KRTAP10-12: variants seen among roughly 807,000 people sequenced by gnomAD.
The protein encoded by KRTAP10-12 is keratin associated protein 10-12, also known as keratin-associated protein 10-12.
For synonymous variants in KRTAP10-12, 142 were observed against 139.1 expected (o/e 1.02, Z -0.14); for missense variants, 311 against 324.4 (o/e 0.96, Z 0.32).
rs782708419 is a variant in KRTAP10-12 at position 44,697,715 on chromosome 21, C to T, written c.514C>T (p.Leu172=). ...GCCTGTCTGCTCTGGGGCCTCCTCTCTGTGCTGCCAGCAGTCTAGCTGCCA... is the reference window on the plus strand; with the variant it reads ...GCCTGTCTGCTCTGGGGCCTCCTCTTTGTGCTGCCAGCAGTCTAGCTGCCA... ...CVPVCSGASS[L]CCQQSSCQPA... is the part of the protein sequence containing the mutation. Residue 172 remains leucine, a synonymous_variant, in exon 1 of 1, where the codon CTG becomes TTG. Coordinates refer to ENST00000400365, the MANE Select transcript of KRTAP10-12 (RefSeq NM_198699.1). 2 of 1,611,252 alleles carry T rather than the reference C, an allele frequency of 1.2e-6. No individual in the cohort carries two copies. Among genetic ancestry groups the T allele is most frequent in the South Asian group, 1.1e-5 (1 of 90,960 alleles).
rs1987438074 is a variant in KRTAP10-12 at position 44,697,713 on chromosome 21, C to G, written c.512C>G (p.Ser171Cys). The G allele has an allele frequency of 4.3e-6, 7 of 1,613,264 alleles. No individual in the cohort carries two copies. The highest frequency in any genetic ancestry group is 2.2e-5 in the East Asian group (1 of 44,882). Residue 171 changes from serine (S) to cysteine (C), a missense_variant, in exon 1 of 1, where the codon TCT becomes TGT. Ser to Cys is a moderately radical substitution (Grantham distance 112). Coordinates refer to ENST00000400365, the MANE Select transcript of KRTAP10-12 (RefSeq NM_198699.1). ...GTGCCTGTCTGCTCTGGGGCCTCCTCTCTGTGCTGCCAGCAGTCTAGCTGC... is the reference window on the plus strand; with the variant it reads ...GTGCCTGTCTGCTCTGGGGCCTCCTGTCTGTGCTGCCAGCAGTCTAGCTGC... Reference protein sequence around the residue: ...CCVPVCSGASSLCCQQSSCQP... With the variant: ...CCVPVCSGASCLCCQQSSCQP...
In KRTAP10-12 at chr21:44,697,491, C is replaced by T; in HGVS notation, c.290C>T (p.Ser97Phe). Residue 97 changes from serine (S) to phenylalanine (F), a missense_variant, in exon 1 of 1, where the codon TCC becomes TTC. Coordinates refer to ENST00000400365, the MANE Select transcript of KRTAP10-12 (RefSeq NM_198699.1). ...QSSCQPACCT[S>F]SPCQQACCVP... The stretch of plus-strand genomic sequence containing the variant: ...AGCTGCCAGCCGGCTTGCTGCACCT[C>T]CTCCCCCTGCCAGCAGGCCTGCTGC... The T allele has an allele frequency of 1.2e-6, 2 of 1,614,034 alleles. No individual in the cohort carries two copies. The highest frequency in any genetic ancestry group is 1.3e-5 in the African/African-American group (1 of 75,016).
chr21:44,697,219 C>A lies in KRTAP10-12; in HGVS notation c.18C>A (p.Ser6Arg), dbSNP rs191466912. The change falls in exon 1 of 1, where the codon AGC becomes AGA. Residue 6 changes from serine to arginine, a missense_variant. By Grantham distance (110) the Ser-to-Arg change is moderately radical. Transcript: ENST00000400365. ...CATCCACCATGTCCGTCTGCTCCAG[C>A]GACCTGAGCTATGGCAGCCGCGTCT... is the stretch of plus-strand genomic sequence containing the variant. MSVCS[S>R]DLSYGSRVCL... 5 of 1,613,890 alleles carry A rather than the reference C, an allele frequency of 3.1e-6. No homozygotes were observed. Among genetic ancestry groups the A allele is most frequent in the Non-Finnish European group, 4.2e-6 (5 of 1,179,902 alleles).
Position 44,697,544 on chromosome 21 carries a change from T to C in KRTAP10-12, c.343T>C (p.Cys115Arg), listed in dbSNP as rs782183631. The C allele has an allele frequency of 6.2e-6, 10 of 1,613,668 alleles. No homozygotes were observed. The Admixed American group carries it at 1.7e-4, about 27-fold the overall frequency. ...CVPVCCKTVC[C>R]KPVCCMPVCC... ...GCCCGTCTGCTGCAAGACTGTCTGC[T>C]GCAAGCCTGTGTGCTGTATGCCCGT... The change falls in exon 1 of 1, where the codon TGC (cysteine) becomes CGC (arginine). Residue 115 changes from cysteine to arginine, a missense_variant. Coordinates refer to ENST00000400365, the MANE Select transcript of KRTAP10-12 (RefSeq NM_198699.1).
rs1440252353 is a variant in KRTAP10-12, at chr21:44,697,498, CT to C, written c.298del (p.Cys100AlafsTer169). The C allele has an allele frequency of 1.5e-5, 25 of 1,613,534 alleles. No individual in the cohort carries two copies. In the Admixed American group the frequency reaches 4.2e-4, roughly 27 times the overall value. On this transcript the variant is annotated frameshift_variant, in exon 1 of 1. Coordinates refer to ENST00000400365, the MANE Select transcript of KRTAP10-12 (RefSeq NM_198699.1). LOFTEE classifies it low-confidence loss of function (END_TRUNC). ...AGCCGGCTTGCTGCACCTCCTCCCC[CT>C]GCCAGCAGGCCTGCTGCGTGCCCGT... The part of the protein sequence containing the change: ...CQPACCTSSP[C>X]QQACCVPVCC...
Position 44,697,636 on chromosome 21 carries a change from C to A in KRTAP10-12, c.435C>A (p.Ser145=), listed in dbSNP as rs782691956. Residue 145 remains serine, a synonymous_variant, in exon 1 of 1, where the codon TCC becomes TCA. Coordinates refer to ENST00000400365, the MANE Select transcript of KRTAP10-12 (RefSeq NM_198699.1). The stretch of plus-strand genomic sequence containing the variant: ...GCCAGCCAGCTTGCTGCATCTCCTC[C>A]CCGTGTCAACAGTCCTGCTGTGTGC... The part of the protein sequence containing the change: ...SSCQPACCIS[S]PCQQSCCVPV... 4 of 1,614,056 alleles carry A rather than the reference C, an allele frequency of 2.5e-6. No individual in the cohort carries two copies. Among genetic ancestry groups the A allele is most frequent in the East Asian group, 4.5e-5 (2 of 44,886 alleles).
Position 44,697,541 on chromosome 21 carries a change from T to C in KRTAP10-12, c.340T>C (p.Cys114Arg). 1 of 1,613,824 alleles carries C rather than the reference T, an allele frequency of 6.2e-7. No homozygotes were observed. The highest frequency in any genetic ancestry group is 1.3e-5 in the African/African-American group (1 of 74,980). ...CGTGCCCGTCTGCTGCAAGACTGTC[T>C]GCTGCAAGCCTGTGTGCTGTATGCC... Reference protein sequence around the residue: ...CCVPVCCKTVCCKPVCCMPVC... With the variant: ...CCVPVCCKTVRCKPVCCMPVC... Residue 114 changes from cysteine to arginine, a missense_variant, in exon 1 of 1, where the codon TGC becomes CGC. Transcript: ENST00000400365.
In KRTAP10-12 at chr21:44,697,586, T is replaced by G. The variant is rs781850620; in HGVS notation, c.385T>G (p.Ser129Ala). 2.5e-6 allele frequency: 4 copies of G among 1,611,698 alleles called. No individual in the cohort carries two copies. In the Admixed American group the frequency reaches 6.7e-5, roughly 27 times the overall value. ...CCMPVCCGPSSSCCQQSSCQP... is the reference protein window; with the variant it reads ...CCMPVCCGPSASCCQQSSCQP... ...TATGCCCGTCTGCTGTGGGCCTTCT[T>G]CTTCATGCTGCCAGCAGTCTAGCTG... The change falls in exon 1 of 1, where the codon TCT becomes GCT. Residue 129 changes from serine to alanine, a missense_variant. Physicochemically the swap from Ser to Ala is moderately conservative, Grantham distance 99. Coordinates refer to ENST00000400365, the MANE Select transcript of KRTAP10-12 (RefSeq NM_198699.1).
chr21:44,697,848 T>TC lies in KRTAP10-12; in HGVS notation c.651dup (p.Thr218HisfsTer?), dbSNP rs782699280. 5 of 1,603,792 alleles carry TC rather than the reference T, an allele frequency of 3.1e-6. No homozygotes were observed. The highest frequency in any genetic ancestry group is 4.3e-6 in the Non-Finnish European group (5 of 1,174,982). On this transcript the variant is annotated frameshift_variant, in exon 1 of 1. Coordinates refer to ENST00000400365, the MANE Select transcript of KRTAP10-12 (RefSeq NM_198699.1). LOFTEE classifies it low-confidence loss of function (END_TRUNC). The stretch of plus-strand genomic sequence containing the variant: ...CGCGTGCCCGTCCCCTCCTGCTGTG[T>TC]CCCCACCTCCTCCTGCCAGCCAAGC...
rs782392617 is a variant in KRTAP10-12 at position 44,697,324 on chromosome 21, C to T, written c.123C>T (p.Cys41=). Residue 41 remains cysteine (C), a synonymous_variant, in exon 1 of 1, where the codon TGC becomes TGT. Coordinates refer to ENST00000400365, the MANE Select transcript of KRTAP10-12 (RefSeq NM_198699.1). ...CAGAGAGCTGCTGTGAGCCCCCCTG[C>T]TGCGCCCCGGCCCCCTGCCTGAGCC... ...DCPESCCEPP[C]CAPAPCLSLV... is the part of the protein sequence containing the mutation. 4 of 1,613,370 alleles carry T rather than the reference C, an allele frequency of 2.5e-6. No homozygotes were observed. The highest frequency in any genetic ancestry group is 2.2e-5 in the South Asian group (2 of 91,040).
Position 44,697,451 on chromosome 21 carries a change from T to G in KRTAP10-12, c.250T>G (p.Cys84Gly). 6.2e-7 allele frequency: 1 copy of G among 1,614,080 alleles called. No homozygotes were observed. Among genetic ancestry groups the G allele is most frequent in the Non-Finnish European group, 8.5e-7 (1 of 1,180,010 alleles). The change falls in exon 1 of 1, where the codon TGC (cysteine) becomes GGC (glycine). Residue 84 changes from cysteine to glycine, a missense_variant. Physicochemically the swap from Cys to Gly is radical, Grantham distance 159. Transcript: ENST00000400365. ...CTGCACCAGCTCCTGCACGCCCTCG[T>G]GCTGCCAGCAGTCTAGCTGCCAGCC... The part of the protein sequence containing the change: ...SGCTSSCTPS[C>G]CQQSSCQPAC...
At position 44,697,480 on chromosome 21, in the gene KRTAP10-12, T is replaced by A. The variant is rs1987415788; in HGVS notation, c.279T>A (p.Ala93=). The A allele has an allele frequency of 2.5e-6, 4 of 1,613,938 alleles. No individual in the cohort carries two copies. The part of the protein sequence containing the change: ...SCCQQSSCQP[A]CCTSSPCQQA... ...GCCAGCAGTCTAGCTGCCAGCCGGC[T>A]TGCTGCACCTCCTCCCCCTGCCAGC... Residue 93 remains alanine (A), a synonymous_variant, in exon 1 of 1, where the codon GCT becomes GCA. Coordinates refer to ENST00000400365, the MANE Select transcript of KRTAP10-12 (RefSeq NM_198699.1).
Position 44,698,038 on chromosome 21 carries a change from G to C in KRTAP10-12, c.*99G>C. On this transcript the variant is annotated 3_prime_UTR_variant, in exon 1 of 1. Coordinates refer to ENST00000400365, the MANE Select transcript of KRTAP10-12 (RefSeq NM_198699.1). ...CACCTCTCCCACTACTGGCCCCTCGGCTGCTCTGGTGTCTGTCTCTTCCTT... is the reference window on the plus strand; with the variant it reads ...CACCTCTCCCACTACTGGCCCCTCGCCTGCTCTGGTGTCTGTCTCTTCCTT... 7.0e-7 allele frequency: 1 copy of C among 1,427,426 alleles called. No individual in the cohort carries two copies. The highest frequency in any genetic ancestry group is 1.3e-5 in the South Asian group (1 of 75,158). The allele number at this position is 1,427,426 out of a possible 1,614,324, so 88.4% of individuals were successfully genotyped here. A position where few individuals can be genotyped will look rare whatever the true frequency, so the allele number is the denominator to read the frequency against.
At position 44,697,597 on chromosome 21, in the gene KRTAP10-12, C is replaced by T; in HGVS notation, c.396C>T (p.Cys132=). 6.2e-7 allele frequency: 1 copy of T among 1,614,098 alleles called. No homozygotes were observed. The highest frequency in any genetic ancestry group is 8.5e-7 in the Non-Finnish European group (1 of 1,179,990). Residue 132 remains cysteine, a synonymous_variant, in exon 1 of 1, where the codon TGC becomes TGT. Transcript: ENST00000400365. ...GCTGTGGGCCTTCTTCTTCATGCTG[C>T]CAGCAGTCTAGCTGCCAGCCAGCTT... ...PVCCGPSSSC[C]QQSSCQPACC...
At position 44,697,494 on chromosome 21, in the gene KRTAP10-12, C is replaced by A; in HGVS notation, c.293C>A (p.Ser98Tyr). Residue 98 changes from serine (S) to tyrosine (Y), a missense_variant, in exon 1 of 1, where the codon TCC becomes TAC. By Grantham distance (144) the Ser-to-Tyr change is moderately radical. Coordinates refer to ENST00000400365, the MANE Select transcript of KRTAP10-12 (RefSeq NM_198699.1). ...SSCQPACCTS[S>Y]PCQQACCVPV... ...TGCCAGCCGGCTTGCTGCACCTCCT[C>A]CCCCTGCCAGCAGGCCTGCTGCGTG... The A allele has an allele frequency of 1.2e-6, 2 of 1,614,040 alleles. No homozygotes were observed. The highest frequency in any genetic ancestry group is 1.3e-5 in the African/African-American group (1 of 75,020).
In KRTAP10-12 at chr21:44,697,906, C is replaced by T. The variant is rs782346949; in HGVS notation, c.705C>T (p.Leu235=). 2.4e-5 allele frequency: 38 copies of T among 1,612,478 alleles called. No individual in the cohort carries two copies. In the Middle Eastern group the frequency reaches 1.3e-3, roughly 56 times the overall value. ...GCCTGGCCTCCTGCGGGTCCCTCCTCTGCCGCCCCACATGTTCCCGCCTGG... is the reference window on the plus strand; with the variant it reads ...GCCTGGCCTCCTGCGGGTCCCTCCTTTGCCGCCCCACATGTTCCCGCCTGG... ...CGRLASCGSL[L]CRPTCSRLAC The change falls in exon 1 of 1, where the codon CTC becomes CTT. Residue 235 remains leucine, a synonymous_variant. Transcript: ENST00000400365.
In KRTAP10-12 at chr21:44,697,848, T is replaced by C. The variant is rs782707899; in HGVS notation, c.647T>C (p.Val216Ala). Residue 216 changes from valine (V) to alanine (A), a missense_variant, in exon 1 of 1, where the codon GTC becomes GCC. Coordinates refer to ENST00000400365, the MANE Select transcript of KRTAP10-12 (RefSeq NM_198699.1). ...CGCGTGCCCGTCCCCTCCTGCTGTGTCCCCACCTCCTCCTGCCAGCCAAGC... is the reference window on the plus strand; with the variant it reads ...CGCGTGCCCGTCCCCTCCTGCTGTGCCCCCACCTCCTCCTGCCAGCCAAGC... ...ARRVPVPSCC[V>A]PTSSCQPSCG... 4.4e-6 allele frequency: 7 copies of C among 1,603,792 alleles called. No individual in the cohort carries two copies. In the Admixed American group the frequency reaches 8.4e-5, roughly 19 times the overall value.
Position 44,697,485 on chromosome 21 carries a change from G to T in KRTAP10-12, c.284G>T (p.Cys95Phe), listed in dbSNP as rs782369480. 1 of 1,614,052 alleles carries T rather than the reference G, an allele frequency of 6.2e-7. No homozygotes were observed. The highest frequency in any genetic ancestry group is 1.7e-5 in the Admixed American group (1 of 60,010). ...CQQSSCQPAC[C>F]TSSPCQQACC... is the part of the protein sequence containing the mutation. ...CAGTCTAGCTGCCAGCCGGCTTGCTGCACCTCCTCCCCCTGCCAGCAGGCC... is the reference window on the plus strand; with the variant it reads ...CAGTCTAGCTGCCAGCCGGCTTGCTTCACCTCCTCCCCCTGCCAGCAGGCC... The change falls in exon 1 of 1, where the codon TGC (cysteine) becomes TTC (phenylalanine). Residue 95 changes from cysteine (C) to phenylalanine (F), a missense_variant. Physicochemically the swap from Cys to Phe is radical, Grantham distance 205. Transcript: ENST00000400365.
In KRTAP10-12 at chr21:44,697,744, A is replaced by T. The variant is rs782422413; in HGVS notation, c.543A>T (p.Pro181=). The change falls in exon 1 of 1, where the codon CCA becomes CCT. Residue 181 remains proline, a synonymous_variant. Transcript: ENST00000400365. The part of the protein sequence containing the change: ...SLCCQQSSCQ[P]ACCTTSCCRP... ...GCTGCCAGCAGTCTAGCTGCCAGCC[A>T]GCTTGCTGCACCACCTCCTGCTGCA... The T allele has an allele frequency of 1.2e-6, 2 of 1,613,454 alleles. No homozygotes were observed. The highest frequency in any genetic ancestry group is 1.7e-6 in the Non-Finnish European group (2 of 1,179,904).
Sources: allele counts gnomAD v4.1 joint callset, GRCh38; gene constraint gnomAD v4.1.1; transcripts MANE v1.5; gene names NCBI Gene and HGNC (gene_info 2026-07-23, HGNC 2026-07-21).